Variants in GLB1L2 observed in about 807,000 individuals in gnomAD.
GLB1L2 encodes beta-galactosidase-1-like protein 2.
GLB1L2 carries 68 observed loss-of-function variants against 84.1 expected under a neutral mutation model. That is an observed-to-expected ratio of 0.81 (90% CI 0.67 to 0.99). GLB1L2 has a LOEUF of 0.99. GLB1L2 is among the 50% of genes least tolerant of loss of function. The pLI, the probability that GLB1L2 is intolerant of heterozygous loss-of-function variation, is 0.00. For synonymous variants in GLB1L2, 290 were observed against 318.0 expected (o/e 0.91, Z 0.94); for missense variants, 762 against 805.6 (o/e 0.95, Z 0.66).
intron 18 of GLB1L2, 22 bp downstream of exon 18, chr11:134,374,740 C>G (rs779099417): frequency 6.3e-7 from 1 of 1,577,968 alleles, no homozygotes; most frequent in South Asian, 1.1e-5. Context: ...CAGCCCCTTC[C>G]TGTTCCCCAT....
At position 134,368,669 on chromosome 11, in the gene GLB1L2, T is replaced by C. The variant is rs199527684; in HGVS notation, c.915T>C (p.Ile305=). 4 of 1,613,866 alleles carry C rather than the reference T, an allele frequency of 2.5e-6. No individual in the cohort carries two copies. Among genetic ancestry groups the C allele is most frequent in the East Asian group, 2.2e-5 (1 of 44,888 alleles). The change falls in exon 10 of 19, where the codon ATT becomes ATC. Residue 305 remains isoleucine (I), a synonymous_variant. Coordinates refer to ENST00000535456, the MANE Select transcript of GLB1L2 (RefSeq NM_001370461.1). Reference sequence around the variant, plus strand: ...AGGTTTTGAAAACCGTGTCTGCCATTGTGGACGCCGGCTCCTCCATCAACC... The same window carrying C: ...AGGTTTTGAAAACCGTGTCTGCCATCGTGGACGCCGGCTCCTCCATCAACC... ...SSEVLKTVSA[I]VDAGSSINLY... is the part of the protein sequence containing the mutation.
At chr11:134,347,199 G>A (rs1943563488) in intron 4 of GLB1L2, 126 bp from the exon 5 acceptor site, 4 of 752,142 alleles carry the variant, frequency 5.3e-6, no homozygotes, top group Non-Finnish European at 7.3e-6. Flanking sequence ...GGCTCAGTGG[G>A]GTGGAGGAGG....
At position 134,369,901 on chromosome 11, in the gene GLB1L2, C is replaced by T; in HGVS notation, c.1108+16C>T. The T allele has an allele frequency of 6.2e-7, 1 of 1,609,582 alleles. No individual in the cohort carries two copies. Among genetic ancestry groups the T allele is most frequent in the Non-Finnish European group, 8.5e-7 (1 of 1,176,114 alleles). ...TCCATCTCAGGTACCCAGCAGACAG[C>T]AGACTCAAGTTCCAACTCAGGCCCT... On this transcript the variant is annotated intron_variant, in intron 11 of 18. Transcript: ENST00000535456.
At chr11:134,364,234 T>G (rs1192428131) in intron 7 of GLB1L2, 94 bp from the exon 8 acceptor site, 1 of 938,740 alleles carries the variant, frequency 1.1e-6, no homozygotes, top group Non-Finnish European at 1.6e-6. Flanking sequence ...CTTACTTTAT[T>G]GTGCTGGTGG....
Position 134,345,198 on chromosome 11 carries a change from C to T in GLB1L2, c.449+69C>T, listed in dbSNP as rs779058221. 2.0e-5 allele frequency: 26 copies of T among 1,296,156 alleles called. 1 individual carries two copies. Among genetic ancestry groups the T allele is most frequent in the South Asian group, 8.2e-5 (4 of 48,642 alleles). The allele number at this position is 1,296,156 out of a possible 1,614,324, so 80.3% of individuals were successfully genotyped here. ...TCACAGACATAGGTCTGGTTTGTTT[C>T]TGTGTTCCAGTTCCCATTCTGTACT... On this transcript the variant is annotated intron_variant, in intron 4 of 18. Transcript: ENST00000535456.
At position 134,356,385 on chromosome 11, in the gene GLB1L2, G is replaced by A. The variant is rs758514916; in HGVS notation, c.643G>A (p.Val215Ile). 6.1e-5 allele frequency: 98 copies of A among 1,610,350 alleles called. No individual in the cohort carries two copies. Among genetic ancestry groups the A allele is most frequent in the Non-Finnish European group, 7.7e-5 (91 of 1,176,718 alleles). ...TAAAGACCCCGCATACATGCCCTAC[G>A]TCAAGAAGGTAAGAATCCTCTTAGT... ...YNKDPAYMPY[V>I]KKALEDRGIV... The change falls in exon 6 of 19, where the codon GTC becomes ATC. Residue 215 changes from valine (V) to isoleucine (I), a missense_variant. Around this residue, in one of 3 missense-constraint regions of GLB1L2, gnomAD observed 603 missense variants for 611.7 expected, o/e 0.99. Transcript: ENST00000535456.
chr11:134,359,300 G>A (rs1943750111), intron 7 of GLB1L2, among the ~76,000 whole-genome samples, 159 bp downstream of exon 7: 1 of 152,246 alleles, frequency 6.6e-6, no homozygotes, highest in African/African-American at 2.4e-5. Flanking sequence ...GGTTCCATGA[G>A]TGGGGAGGGT....
chr11:134,344,838 T>C (rs1434612516), intron 3 of GLB1L2, among the ~76,000 whole-genome samples, 196 bp from the exon 4 acceptor site: 2 of 152,310 alleles, frequency 1.3e-5, no homozygotes, highest in South Asian at 4.2e-4. Context: ...AGGCCCCCGA[T>C]GGGGCTGTGC....
In GLB1L2 at chr11:134,370,962, C is replaced by G; in HGVS notation, c.1216-46C>G. On this transcript the variant is annotated intron_variant, in intron 12 of 18. Transcript: ENST00000535456. This position sits in a 1 kb window ranked among gnomAD's most constrained non-coding sequence, Gnocchi z 4.7. ...CCCCAGGCAGAGTCTGTCTGTGACCCCACTCCTCCTGAGCCTGCCCACCCC... is the reference window on the plus strand; with the variant it reads ...CCCCAGGCAGAGTCTGTCTGTGACCGCACTCCTCCTGAGCCTGCCCACCCC... 1 of 1,608,474 alleles carries G rather than the reference C, an allele frequency of 6.2e-7. No homozygotes were observed. Among genetic ancestry groups the G allele is most frequent in the Non-Finnish European group, 8.5e-7 (1 of 1,177,058 alleles).
chr11:134,341,552 T>C (rs1277797631), intron 1 of GLB1L2, among the ~76,000 whole-genome samples: 2 of 152,142 alleles, frequency 1.3e-5, no homozygotes, highest in Non-Finnish European at 2.9e-5. Flanking sequence ...AAAAGAAAAA[T>C]GTGGTGAACA....
At chr11:134,354,663 C>T (rs942982228) in intron 5 of GLB1L2, among the ~76,000 whole-genome samples, 2 of 151,896 alleles carry the variant, frequency 1.3e-5, no homozygotes, top group African/African-American at 4.8e-5. Context: ...GACACTTTTT[C>T]CTTTCAGCAC....
At chr11:134,366,321 G>A (rs368592696) in intron 8 of GLB1L2, among the ~76,000 whole-genome samples, 75 of 152,348 alleles carry the variant, frequency 4.9e-4, no homozygotes, top group Non-Finnish European at 8.8e-4. Flanking sequence ...AAGAATTCTT[G>A]TAACTACTTT....
chr11:134,356,953 G>C (rs1943711141), intron 6 of GLB1L2, among the ~76,000 whole-genome samples: 1 of 150,858 alleles, frequency 6.6e-6, no homozygotes, highest in Non-Finnish European at 1.5e-5. Context: ...TTGAACAAAT[G>C]CCTCGAGTTT....
chr11:134,348,095 G>A (rs116373325), intron 5 of GLB1L2, among the ~76,000 whole-genome samples: 3,653 of 152,184 alleles, frequency 0.024, 153 homozygotes, highest in African/African-American at 0.082. Context: ...AGAAAGAACG[G>A]CATTGAGAAA....
intron 4 of GLB1L2, chr11:134,346,500 C>A (rs1051741993): frequency 1.3e-5 from 2 of 152,326 alleles, no homozygotes; most frequent in Admixed American, 1.3e-4. Flanking sequence ...GGCGTCCGGG[C>A]GTGAGTGAGA....
intron 7 of GLB1L2, chr11:134,360,849 G>T (rs532205350): frequency 6.6e-6 from 1 of 152,038 alleles, no homozygotes; most frequent in African/African-American, 2.4e-5. Context: ...GCCCTGCATC[G>T]TTTGCTTTAA....
At position 134,371,795 on chromosome 11, in the gene GLB1L2, T is replaced by C; in HGVS notation, c.1472T>C (p.Val491Ala). The change falls in exon 15 of 19, where the codon GTC becomes GCC. Residue 491 changes from valine to alanine, a missense_variant. By Grantham distance (64) the Val-to-Ala change is moderately conservative. Transcript: ENST00000535456. Reference protein sequence around the residue: ...LRILVENRGRVNYGENIDDQR... With the variant: ...LRILVENRGRANYGENIDDQR... Reference sequence around the variant, plus strand: ...ATCTTGGTGGAGAATCGTGGGCGAGTCAACTATGGGGAGAATATTGATGAC... The same window carrying C: ...ATCTTGGTGGAGAATCGTGGGCGAGCCAACTATGGGGAGAATATTGATGAC... The C allele has an allele frequency of 1.9e-6, 3 of 1,613,594 alleles. No individual in the cohort carries two copies. Among genetic ancestry groups the C allele is most frequent in the Non-Finnish European group, 2.5e-6 (3 of 1,179,914 alleles).
intron 5 of GLB1L2, among the ~76,000 whole-genome samples, chr11:134,349,346 G>T (rs1302848827): frequency 1.3e-5 from 2 of 152,106 alleles, no homozygotes; most frequent in East Asian, 1.9e-4. Flanking sequence ...ATCCATTGAC[G>T]AACGTTTGAG....
chr11:134,371,069 A>G lies in GLB1L2; in HGVS notation c.1277A>G (p.Gln426Arg), dbSNP rs1212577691. 1.2e-6 allele frequency: 2 copies of G among 1,614,184 alleles called. No individual in the cohort carries two copies. The highest frequency in any genetic ancestry group is 2.2e-5 in the East Asian group (1 of 44,870). The change falls in exon 13 of 19, where the codon CAG becomes CGG. Residue 426 changes from glutamine to arginine, a missense_variant. Transcript: ENST00000535456. ...CTGCCAGTCAATGGGGGAAATGGAC[A>G]GTCCTTCGGGTACATTCTCTATGAG... ...ENLPVNGGNG[Q>R]SFGYILYETS... is the part of the protein sequence containing the mutation.
Sources: allele counts gnomAD v4.1 joint callset (sites outside exome capture counted in the v4.1 genomes callset), GRCh38; gene constraint gnomAD v4.1.1; regional missense constraint gnomAD v4.1.1; non-coding constraint Gnocchi (gnomAD v3.1); transcripts MANE v1.5; gene names NCBI Gene and HGNC (gene_info 2026-07-23, HGNC 2026-07-21).